Variants in CC2D1B observed in about 807,000 individuals in gnomAD.
The protein encoded by CC2D1B is coiled-coil and C2 domain-containing protein 1B.
In CC2D1B, 92 loss-of-function variants were observed where a neutral mutation model predicts 110.8. The ratio of observed to expected loss-of-function variants is 0.83; its 90% CI spans 0.70 to 0.99. The LOEUF (loss-of-function observed/expected upper bound fraction) is 0.99. Among genes scored for constraint, CC2D1B ranks in the 50% least tolerant of loss-of-function variants. CC2D1B has a pLI of 0.00. For synonymous variants in CC2D1B, 406 were observed against 429.2 expected, an observed-to-expected ratio of 0.95 and a Z score of 0.67; for missense variants, 1,136 against 1,089.0, an observed-to-expected ratio of 1.04 and a Z score of -0.61.
intron 24 of CC2D1B, 42 bp downstream of exon 24, chr1:52,353,476 A>ATT (rs1646570667): frequency 7.0e-6 from 11 of 1,572,482 alleles, no homozygotes; most frequent in African/African-American, 1.4e-5. Context: ...AGTTGAGTAA[A>ATT]AGGAGGGGGC....
rs377314680 is a variant in CC2D1B at position 52,361,081 on chromosome 1, C to T, written c.370G>A (p.Gly124Ser). 3 of 1,614,106 alleles carry T rather than the reference C, an allele frequency of 1.9e-6. No homozygotes were observed. In the African/African-American group the frequency reaches 4.0e-5, roughly 22 times the overall value. ...GVDEETEPLD[G>S]DEVADPGGSE... ...CCGCCTGGGTCAGCTACCTCATCACCATCCAGGGGCTCAGTCTCCTCGTCC... is the reference window on the plus strand; with the variant it reads ...CCGCCTGGGTCAGCTACCTCATCACTATCCAGGGGCTCAGTCTCCTCGTCC... The change falls in exon 5 of 25, where the codon GGT (glycine) becomes AGT (serine). Residue 124 changes from glycine to serine, a missense_variant. Gly to Ser is a moderately conservative substitution (Grantham distance 56). Coordinates refer to ENST00000284376, the MANE Select transcript of CC2D1B (RefSeq NM_001330585.2).
At chr1:52,355,569 G>T in intron 20 of CC2D1B, 39 bp downstream of exon 20, 1 of 1,612,692 alleles carries the variant, frequency 6.2e-7, no homozygotes, top group Non-Finnish European at 8.5e-7. Flanking sequence ...TGGAATGCAA[G>T]GCGGGTTTCA....
chr1:52,360,345 C>A, intron 6 of CC2D1B, 79 bp downstream of exon 6: 2 of 1,595,682 alleles, frequency 1.3e-6, no homozygotes, highest in Non-Finnish European at 1.7e-6. Flanking sequence ...GGTGACCTCC[C>A]CTCCACTGGT....
In CC2D1B at chr1:52,352,825, C is replaced by T; in HGVS notation, c.*400G>A. ...AGCAGGGGAGGTTCCCGATCACCCT[C>T]AAGTTCTCCCATCCCATAGTTAGAT... On this transcript the variant is annotated 3_prime_UTR_variant, in exon 25 of 25. Transcript: ENST00000284376. The T allele has an allele frequency of 6.2e-6, 1 of 162,182 alleles. No individual in the cohort carries two copies. Among genetic ancestry groups the T allele is most frequent in the Admixed American group, 6.2e-5 (1 of 16,004 alleles). The allele number at this position is 162,182 out of a possible 1,614,324, so 10.0% of individuals were successfully genotyped here.
Position 52,354,941 on chromosome 1 carries a change from T to C in CC2D1B, c.2240-2A>G. 6.2e-7 allele frequency: 1 copy of C among 1,612,942 alleles called. No individual in the cohort carries two copies. Among genetic ancestry groups the C allele is most frequent in the African/African-American group, 1.3e-5 (1 of 75,016 alleles). ...TTAGTTTGAAGAGTTGATCAAATTC[T>C]GGCAAAGGGGGAGAAAGCAAGGAGG... On this transcript the variant is annotated splice_acceptor_variant, in intron 21 of 24. Coordinates refer to ENST00000284376, the MANE Select transcript of CC2D1B (RefSeq NM_001330585.2). LOFTEE classifies it high-confidence loss of function.
intron 11 of CC2D1B, 33 bp from the exon 12 acceptor site, chr1:52,358,791 G>A (rs752798888): frequency 1.8e-5 from 28 of 1,584,496 alleles, no homozygotes; most frequent in East Asian, 2.2e-5. Flanking sequence ...GCCTGTGGTC[G>A]GCAGCAGCCC....
intron 1 of CC2D1B, 48 bp from the exon 2 acceptor site, chr1:52,364,682 G>GC: frequency 7.9e-7 from 1 of 1,271,426 alleles, no homozygotes. Flanking sequence ...CATAAGCCAC[G>GC]CCCCCAACAG....
intron 16 of CC2D1B, 90 bp downstream of exon 16, chr1:52,356,911 A>C: frequency 7.1e-7 from 1 of 1,402,942 alleles, no homozygotes; most frequent in Non-Finnish European, 9.5e-7. Context: ...GAGAATTTTG[A>C]GTCCAGGGCT....
At chr1:52,365,784 C>T (rs1321068599) in intron 1 of CC2D1B, among the ~76,000 whole-genome samples, 2 of 151,642 alleles carry the variant, frequency 1.3e-5, no homozygotes, top group East Asian at 3.9e-4. Context: ...GTGGAGGCGG[C>T]GGGGAGCGGG....
intron 2 of CC2D1B, among the ~76,000 whole-genome samples, chr1:52,364,187 C>A (rs998687666): frequency 6.6e-6 from 1 of 152,146 alleles, no homozygotes; most frequent in African/African-American, 2.4e-5. Flanking sequence ...GGAGAGGAGA[C>A]CCCCCTGTTC....
chr1:52,365,061 G>C lies in CC2D1B; in HGVS notation c.-14-427C>G, dbSNP rs536318553. 3.9e-5 allele frequency among the ~76,000 whole-genome samples: 6 copies of C among 152,352 alleles called. No homozygotes were observed. In the South Asian group the frequency reaches 1.2e-3, roughly 32 times the overall value. Reference sequence around the variant, plus strand: ...TCCAAGTGCTTAACAGCCATATGTGGTGAGGGGCTATGACCAGACAGCACA... The same window carrying C: ...TCCAAGTGCTTAACAGCCATATGTGCTGAGGGGCTATGACCAGACAGCACA... On this transcript the variant is annotated intron_variant, in intron 1 of 24. Coordinates refer to ENST00000284376, the MANE Select transcript of CC2D1B (RefSeq NM_001330585.2).
chr1:52,353,605 T>C lies in CC2D1B; in HGVS notation c.2473A>G (p.Lys825Glu). 6.2e-7 allele frequency: 1 copy of C among 1,612,768 alleles called. No homozygotes were observed. The highest frequency in any genetic ancestry group is 8.5e-7 in the Non-Finnish European group (1 of 1,179,394). ...RKPTGGKLEV[K>E]VRLREPLSGQ... ...CTCAGAGGCTCCCGCAGCCTCACCT[T>C]CACCTCCAGCTTCCCCCCGGTGGGC... The change falls in exon 24 of 25, where the codon AAG (lysine) becomes GAG (glutamate). Residue 825 changes from lysine to glutamate, a missense_variant. Physicochemically the swap from Lys to Glu is moderately conservative, Grantham distance 56. Coordinates refer to ENST00000284376, the MANE Select transcript of CC2D1B (RefSeq NM_001330585.2).
Position 52,352,077 on chromosome 1 carries a change from C to T in CC2D1B, c.*1148G>A, listed in dbSNP as rs543407512. 1 of 151,936 alleles carries T rather than the reference C, an allele frequency of 6.6e-6. No homozygotes were observed. The highest frequency in any genetic ancestry group is 2.1e-4 in the South Asian group (1 of 4,810). 9.4% of individuals were successfully genotyped at this position (151,936 alleles called of 1,614,324 possible). On this transcript the variant is annotated 3_prime_UTR_variant, in exon 25 of 25. Transcript: ENST00000284376. ...TGTGCTTATGCAATACTATAGTGAT[C>T]AGTAAGCTGAATGTATTTGCTTCAC...
At position 52,358,377 on chromosome 1, in the gene CC2D1B, A is replaced by G; in HGVS notation, c.1415T>C (p.Leu472Pro). Residue 472 changes from leucine (L) to proline (P), a missense_variant, in exon 13 of 25, where the codon CTG (leucine) becomes CCG (proline). By Grantham distance (98) the Leu-to-Pro change is moderately conservative. Transcript: ENST00000284376. ...VAATLAAAEKLASAEDSAPAD... is the reference protein window; with the variant it reads ...VAATLAAAEKPASAEDSAPAD... Reference sequence around the variant, plus strand: ...CGGGGCTGAATCCTCTGCAGAGGCCAGTTTCTCTGCAGCTGCCAATGTCGC... The same window carrying G: ...CGGGGCTGAATCCTCTGCAGAGGCCGGTTTCTCTGCAGCTGCCAATGTCGC... The G allele has an allele frequency of 6.2e-7, 1 of 1,614,150 alleles. No homozygotes were observed. Among genetic ancestry groups the G allele is most frequent in the East Asian group, 2.2e-5 (1 of 44,876 alleles).
rs147990878 is a variant in CC2D1B at position 52,360,494 on chromosome 1, C to T, written c.533G>A (p.Arg178Gln). The T allele has an allele frequency of 7.2e-5, 116 of 1,613,946 alleles. No individual in the cohort carries two copies. The highest frequency in any genetic ancestry group is 5.5e-4 in the African/African-American group (41 of 74,938). ...CTCCTTGGCACTGGCCGCAGCCTCT[C>T]GGTAGTTGTGAATCCGTTCCTCCAG... ...ALLEERIHNY[R>Q]EAAASAKEAG... Residue 178 changes from arginine (R) to glutamine (Q), a missense_variant, in exon 6 of 25, where the codon CGA becomes CAA. Physicochemically the swap from Arg to Gln is conservative, Grantham distance 43. Coordinates refer to ENST00000284376, the MANE Select transcript of CC2D1B (RefSeq NM_001330585.2).
Position 52,352,605 on chromosome 1 carries a change from A to G in CC2D1B, c.*620T>C, listed in dbSNP as rs1646549308. On this transcript the variant is annotated 3_prime_UTR_variant, in exon 25 of 25. Coordinates refer to ENST00000284376, the MANE Select transcript of CC2D1B (RefSeq NM_001330585.2). Reference sequence around the variant, plus strand: ...CTCTTGGGTGGGTAGACCAAACCCAAGATCCAACCTTCCCCTTACTTCCCA... The same window carrying G: ...CTCTTGGGTGGGTAGACCAAACCCAGGATCCAACCTTCCCCTTACTTCCCA... The G allele has an allele frequency of 6.6e-6, 1 of 152,576 alleles. No homozygotes were observed. Among genetic ancestry groups the G allele is most frequent in the African/African-American group, 2.4e-5 (1 of 41,424 alleles). The allele number at this position is 152,576 out of a possible 1,614,324, so 9.5% of individuals were successfully genotyped here. A position where few individuals can be genotyped will look rare whatever the true frequency, so the allele number is the denominator to read the frequency against.
At chr1:52,361,447 C>G in intron 4 of CC2D1B, 66 bp downstream of exon 4, 1 of 1,604,612 alleles carries the variant, frequency 6.2e-7, no homozygotes. Context: ...CTCCTCTCCA[C>G]TGCCCTCTCC....
chr1:52,365,592 C>A (rs1427583602), intron 1 of CC2D1B, among the ~76,000 whole-genome samples: 1 of 152,198 alleles, frequency 6.6e-6, no homozygotes, highest in African/African-American at 2.4e-5. Context: ...AATATGAAAA[C>A]CTCTAAGCCG....
In CC2D1B at chr1:52,357,599, T is replaced by C; in HGVS notation, c.1679A>G (p.Tyr560Cys). The change falls in exon 15 of 25, where the codon TAT (tyrosine) becomes TGT (cysteine). Residue 560 changes from tyrosine to cysteine, a missense_variant. Tyr to Cys is a radical substitution (Grantham distance 194). Transcript: ENST00000284376. The stretch of plus-strand genomic sequence containing the variant: ...CTCAAGCCATTTGGCTACCCGCAGA[T>C]AGGCTTTGGCCTGCTCCAGGTCCTG... ...RSQDLEQAKA[Y>C]LRVAKWLEAQ... 2 of 1,588,490 alleles carry C rather than the reference T, an allele frequency of 1.3e-6. No homozygotes were observed. The highest frequency in any genetic ancestry group is 1.7e-6 in the Non-Finnish European group (2 of 1,166,450).
Sources: allele counts gnomAD v4.1 joint callset (sites outside exome capture counted in the v4.1 genomes callset), GRCh38; gene constraint gnomAD v4.1.1; transcripts MANE v1.5; gene names NCBI Gene and HGNC (gene_info 2026-07-23, HGNC 2026-07-21).